MRAS: variants seen among roughly 807,000 people sequenced by gnomAD.
The protein encoded by MRAS is ras-related protein M-Ras.
MRAS carries 4 observed loss-of-function variants against 20.9 expected under a neutral mutation model. That is an observed-to-expected ratio of 0.19 (90% confidence interval 0.09 to 0.44). MRAS has a LOEUF of 0.44. Ranked by LOEUF, MRAS falls within the 20% of genes least tolerant of loss-of-function variation. The pLI, the probability that MRAS is intolerant of heterozygous loss-of-function variation, is 0.99. For synonymous variants in MRAS, 98 were observed against 102.9 expected, an observed-to-expected ratio of 0.95 and a Z score of 0.29; for missense variants, 154 against 277.5, an observed-to-expected ratio of 0.56 and a Z score of 3.16.
At chr3:138,394,051 C>T (rs964447929) in intron 2 of MRAS, among the ~76,000 whole-genome samples, 13 of 151,666 alleles carry the variant, frequency 8.6e-5, no homozygotes, top group South Asian at 4.2e-4. Context: ...ATGCTGTTTC[C>T]GTCTGTTTTA....
chr3:138,360,917 A>G (rs568998226), intron 1 of MRAS, among the ~76,000 whole-genome samples: 1 of 152,348 alleles, frequency 6.6e-6, no homozygotes, highest in East Asian at 1.9e-4. Flanking sequence ...TTGAGGGCAG[A>G]TGAAGAGGGG....
intron 1 of MRAS, among the ~76,000 whole-genome samples, chr3:138,370,037 C>T (rs1054275079): frequency 1.7e-4 from 26 of 152,150 alleles, no homozygotes; most frequent in Non-Finnish European, 5.9e-5. Flanking sequence ...AGCCAAACAC[C>T]GACCGGGAAC....
rs1043712895 is a variant in MRAS at position 138,390,418 on chromosome 3, CTCTG to C, written c.194-6902_194-6899del. ...TCCCCCAGTCTGGCTGCCTCTCTGT[CTCTG>C]TCTATCTGTCTGTCTCTCTCTCACA... On this transcript the variant is annotated intron_variant, in intron 2 of 5. Coordinates refer to ENST00000423968, the MANE Select transcript of MRAS (RefSeq NM_001085049.3). Among the ~76,000 whole-genome samples, 11 of 152,308 alleles carry C rather than the reference CTCTG, an allele frequency of 7.2e-5. 1 individual carries two copies. Among genetic ancestry groups the C allele is most frequent in the South Asian group, 6.2e-4 (3 of 4,826 alleles).
chr3:138,349,137 C>T (rs1164694285), intron 1 of MRAS: 1 of 151,702 alleles, frequency 6.6e-6, no homozygotes, highest in African/African-American at 2.4e-5. Flanking sequence ...CTTTACCCCC[C>T]CGCCTTAAGA....
intron 1 of MRAS, among the ~76,000 whole-genome samples, chr3:138,372,612 T>C (rs1372465191): frequency 2.0e-5 from 3 of 152,232 alleles, no homozygotes; most frequent in Non-Finnish European, 2.9e-5. Context: ...ACAAGACCAG[T>C]GGTACTGTGT....
chr3:138,400,337 GA>G, intron 4 of MRAS, 196 bp from the exon 5 acceptor site: 1 of 551,110 alleles, frequency 1.8e-6, no homozygotes, highest in Non-Finnish European at 3.2e-6. Flanking sequence ...GAGGGAATTG[GA>G]AAAGCCATTA....
intron 5 of MRAS, among the ~76,000 whole-genome samples, chr3:138,401,750 A>T (rs534009151): frequency 2.6e-4 from 39 of 152,350 alleles, no homozygotes; most frequent in African/African-American, 8.9e-4. Flanking sequence ...GGTTTTAGAC[A>T]TAGGAAAAGT....
chr3:138,400,689 A>T, intron 5 of MRAS, 76 bp downstream of exon 5: 1 of 1,254,434 alleles, frequency 8.0e-7, no homozygotes. Context: ...GAGCTTGAGG[A>T]AGCAGCTCCT....
At chr3:138,390,802 AT>A (rs1379634250) in intron 2 of MRAS, among the ~76,000 whole-genome samples, 1 of 152,120 alleles carries the variant, frequency 6.6e-6, no homozygotes, top group Non-Finnish European at 1.5e-5. Flanking sequence ...CCTGGGGTAG[AT>A]TTTGTCCCTT....
At chr3:138,348,828 C>G (rs1321083080) in intron 1 of MRAS, 61 bp downstream of exon 1, 3 of 151,564 alleles carry the variant, frequency 2.0e-5, no homozygotes, top group African/African-American at 7.3e-5. Context: ...TCGCCCCGGC[C>G]GTCGCTTTGT....
At chr3:138,362,037 C>T (rs1202450602) in intron 1 of MRAS, among the ~76,000 whole-genome samples, 1 of 152,252 alleles carries the variant, frequency 6.6e-6, no homozygotes. Context: ...AGTTCTTTCC[C>T]ACCCTCCCGG....
chr3:138,388,398 T>A (rs1454995298), intron 2 of MRAS, among the ~76,000 whole-genome samples: 1 of 152,198 alleles, frequency 6.6e-6, no homozygotes, highest in African/African-American at 2.4e-5. Context: ...TAGAGATACA[T>A]AAAACATTCT....
At chr3:138,355,666 C>G (rs1001829277) in intron 1 of MRAS, among the ~76,000 whole-genome samples, 3 of 152,220 alleles carry the variant, frequency 2.0e-5, no homozygotes, top group Non-Finnish European at 2.9e-5. Context: ...TGCAGTGGCT[C>G]ACGCCTGTAA....
At chr3:138,349,650 A>T (rs1395153106) in intron 1 of MRAS, 1 of 152,682 alleles carries the variant, frequency 6.5e-6, no homozygotes, top group Non-Finnish European at 1.5e-5. Flanking sequence ...ATGGCCCCTG[A>T]TGGTGTGGAA....
intron 1 of MRAS, among the ~76,000 whole-genome samples, chr3:138,367,872 C>CA (rs2054595521): frequency 6.6e-6 from 1 of 152,232 alleles, no homozygotes; most frequent in African/African-American, 2.4e-5. Context: ...AAGAGGCAGA[C>CA]AACAGCCAAA....
At chr3:138,380,030 G>A (rs188706153) in intron 2 of MRAS, among the ~76,000 whole-genome samples, 41 of 152,102 alleles carry the variant, frequency 2.7e-4, no homozygotes, top group African/African-American at 9.9e-4. Context: ...TGTAACTGGG[G>A]TGAGATGTTA....
At chr3:138,378,564 T>C (rs1308261995) in intron 2 of MRAS, among the ~76,000 whole-genome samples, 1 of 152,220 alleles carries the variant, frequency 6.6e-6, no homozygotes, top group Non-Finnish European at 1.5e-5. Flanking sequence ...CCCATCTCCA[T>C]GCTCTCAGCC....
rs11713141 is a variant in MRAS, at chr3:138,348,784, C to T, written c.-19+17C>T. 0.59 allele frequency: 88,782 copies of T among 151,036 alleles called. 27,223 individuals carry two copies. The highest frequency in any genetic ancestry group is 0.73 in the East Asian group (3,676 of 5,008). 9.4% of individuals were successfully genotyped at this position (151,036 alleles called of 1,614,324 possible). A position where few individuals can be genotyped will look rare whatever the true frequency, so the allele number is the denominator to read the frequency against. On this transcript the variant is annotated intron_variant, in intron 1 of 5. Coordinates refer to ENST00000423968, the MANE Select transcript of MRAS (RefSeq NM_001085049.3). Reference sequence around the variant, plus strand: ...GAGCGCGCGGTGAGTGGTCGGGCGGCCTTGGAGGGGAGGGGGCCCGGCCGC... The same window carrying T: ...GAGCGCGCGGTGAGTGGTCGGGCGGTCTTGGAGGGGAGGGGGCCCGGCCGC...
chr3:138,380,460 G>A (rs2054877317), intron 2 of MRAS, among the ~76,000 whole-genome samples: 3 of 151,108 alleles, frequency 2.0e-5, no homozygotes, highest in South Asian at 4.2e-4. Flanking sequence ...TTACAGGCGT[G>A]CACCACCACG....
Sources: gnomAD v4.1 joint callset for allele counts (sites outside exome capture counted in the v4.1 genomes callset) on GRCh38, gnomAD v4.1.1 for gene constraint, MANE v1.5 for transcripts, NCBI Gene and HGNC (gene_info 2026-07-23, HGNC 2026-07-21) for gene names.